Variants in CDH13 observed in about 807,000 individuals in gnomAD.
The protein encoded by CDH13 is cadherin 13.
In CDH13, 24 loss-of-function variants were observed where a neutral mutation model predicts 63.8. The observed-to-expected ratio is 0.38, with a 90% CI of 0.27 to 0.53. The LOEUF (loss-of-function observed/expected upper bound fraction) is 0.53, where lower values mean the gene tolerates loss of function less well. CDH13 is among the 20% of genes least tolerant of loss of function. CDH13 has a pLI of 0.85. For missense variants in CDH13, 1,049 were observed against 903.1 expected (o/e 1.16, Z -2.07); for synonymous variants, 503 against 355.3 (o/e 1.42, Z -4.67).
chr16:82,850,933 C>G (rs1009716913), intron 1 of CDH13, among the ~76,000 whole-genome samples: 2 of 152,120 alleles, frequency 1.3e-5, no homozygotes, highest in Non-Finnish European at 1.5e-5. Flanking sequence ...ATAGTATAAA[C>G]ATAACTTTTA....
At chr16:83,557,462 C>T (rs1034425773) in intron 7 of CDH13, among the ~76,000 whole-genome samples, 13 of 152,106 alleles carry the variant, frequency 8.5e-5, no homozygotes, top group Admixed American at 8.5e-4. Flanking sequence ...GACTGATGTT[C>T]TATGTATATG....
chr16:83,337,104 G>A (rs1157066851), intron 5 of CDH13, among the ~76,000 whole-genome samples: 4 of 152,172 alleles, frequency 2.6e-5, no homozygotes, highest in Non-Finnish European at 4.4e-5. Context: ...GCATTTTTAA[G>A]GGATTCTTTT....
chr16:82,995,720 A>G (rs1350519014), intron 2 of CDH13, among the ~76,000 whole-genome samples: 2 of 152,164 alleles, frequency 1.3e-5, no homozygotes, highest in Non-Finnish European at 2.9e-5. Context: ...CAGTTATACA[A>G]CTTCTGGAAG....
chr16:83,234,502 A>C (rs1348689976), intron 5 of CDH13, among the ~76,000 whole-genome samples: 1 of 152,176 alleles, frequency 6.6e-6, no homozygotes, highest in African/African-American at 2.4e-5. Context: ...GGTTGGACCT[A>C]GGCAGCTCCA....
intron 4 of CDH13, chr16:83,180,735 A>C: frequency 6.2e-6 from 4 of 643,412 alleles, no homozygotes; most frequent in Non-Finnish European, 8.0e-6. Flanking sequence ...TTAATTCTAG[A>C]AAAACGGTCA....
intron 3 of CDH13, among the ~76,000 whole-genome samples, chr16:83,093,237 A>C (rs547695126): frequency 4.7e-4 from 68 of 144,600 alleles, no homozygotes; most frequent in Non-Finnish European, 3.0e-4. Context: ...TGACTCTATC[A>C]GGTGGATTTC....
chr16:83,195,510 G>C (rs1487053059), intron 4 of CDH13, among the ~76,000 whole-genome samples: 2 of 152,030 alleles, frequency 1.3e-5, no homozygotes, highest in Non-Finnish European at 2.9e-5. Context: ...GAGAGATGGG[G>C]GAGGTGCTAT....
At chr16:83,336,413 G>A (rs1048159407) in intron 5 of CDH13, among the ~76,000 whole-genome samples, 4 of 152,236 alleles carry the variant, frequency 2.6e-5, no homozygotes, top group East Asian at 1.9e-4. Context: ...AGAGATAACG[G>A]CAGTGGCAGC....
intron 2 of CDH13, among the ~76,000 whole-genome samples, chr16:82,947,359 C>T (rs867963361): frequency 1.3e-5 from 2 of 151,946 alleles, no homozygotes; most frequent in Non-Finnish European, 2.9e-5. Flanking sequence ...AAGAGTATAA[C>T]GTTTCAGAAT....
chr16:83,029,972 G>C (rs1916153632), intron 2 of CDH13, among the ~76,000 whole-genome samples: 2 of 152,218 alleles, frequency 1.3e-5, no homozygotes, highest in African/African-American at 4.8e-5. Context: ...GGAGGAGGCA[G>C]ACAGGCAAAT....
chr16:83,578,056 G>A (rs1905213611), intron 7 of CDH13, among the ~76,000 whole-genome samples: 2 of 152,126 alleles, frequency 1.3e-5, no homozygotes, highest in South Asian at 2.1e-4. Context: ...CCCCTACTAA[G>A]CATTTATTTT....
At chr16:83,659,035 G>T (rs1409291810) in intron 8 of CDH13, among the ~76,000 whole-genome samples, 1 of 125,138 alleles carries the variant, frequency 8.0e-6, no homozygotes, top group Admixed American at 8.5e-5. Context: ...ATCCTCACCA[G>T]CAAGGTTCCA....
intron 7 of CDH13, among the ~76,000 whole-genome samples, chr16:83,514,040 C>T (rs1457178626): frequency 2.6e-5 from 4 of 152,142 alleles, no homozygotes; most frequent in Non-Finnish European, 4.4e-5. Flanking sequence ...ATGAAACTAT[C>T]TTGTGTGCCT....
chr16:82,667,299 G>C (rs1050117807), intron 1 of CDH13, among the ~76,000 whole-genome samples: 1 of 152,186 alleles, frequency 6.6e-6, no homozygotes. Flanking sequence ...TGAAGGAAGA[G>C]GGGATTGAGG....
intron 1 of CDH13, among the ~76,000 whole-genome samples, chr16:82,830,279 T>C (rs1366908714): frequency 1.3e-5 from 2 of 152,190 alleles, no homozygotes; most frequent in Non-Finnish European, 2.9e-5. Flanking sequence ...TATTCAAAAA[T>C]ATGTGTTTGA....
intron 2 of CDH13, among the ~76,000 whole-genome samples, chr16:83,019,831 C>T (rs1447436327): frequency 4.2e-5 from 5 of 118,388 alleles, no homozygotes; most frequent in South Asian, 6.2e-4. Flanking sequence ...AGGAGGAGTA[C>T]ACTCTAAAAA....
intron 1 of CDH13, among the ~76,000 whole-genome samples, chr16:82,682,141 C>G (rs1914616785): frequency 6.6e-6 from 1 of 152,202 alleles, no homozygotes; most frequent in African/African-American, 2.4e-5. Flanking sequence ...TTTTGCCTCT[C>G]TTGTTCCCAA....
At chr16:82,968,108 A>G (rs1272435050) in intron 2 of CDH13, among the ~76,000 whole-genome samples, 3 of 152,152 alleles carry the variant, frequency 2.0e-5, no homozygotes, top group Admixed American at 6.5e-5. Flanking sequence ...TTTATTTCCA[A>G]TTTTAAAAGT....
chr16:83,419,558 A>G (rs1259607533), intron 6 of CDH13, among the ~76,000 whole-genome samples: 1 of 152,224 alleles, frequency 6.6e-6, no homozygotes, highest in African/African-American at 2.4e-5. Context: ...ATGCTCTACC[A>G]GTAGTAATAC....
Sources: allele counts gnomAD v4.1 joint callset (sites outside exome capture counted in the v4.1 genomes callset), GRCh38; gene constraint gnomAD v4.1.1; transcripts MANE v1.5; gene names NCBI Gene and HGNC (gene_info 2026-07-23, HGNC 2026-07-21).